Variants in ERC2 observed in about 807,000 individuals in gnomAD.
ERC2 encodes the protein ELKS/RAB6-interacting/CAST family member 2.
Under a neutral mutation model 114.8 loss-of-function variants are expected in ERC2, and 42 were observed. That is an observed-to-expected ratio of 0.37 (90% CI 0.29 to 0.47). ERC2 has a LOEUF of 0.47. ERC2 is among the 20% of genes least tolerant of loss of function. ERC2 has a pLI of 0.99. For missense variants in ERC2, 939 were observed against 1,150.7 expected, an observed-to-expected ratio of 0.82 and a Z score of 2.66; for synonymous variants, 454 against 425.5, an observed-to-expected ratio of 1.07 and a Z score of -0.82.
chr3:55,765,511 A>T (rs560497630), intron 14 of ERC2, among the ~76,000 whole-genome samples: 10 of 152,328 alleles, frequency 6.6e-5, no homozygotes, highest in Admixed American at 2.0e-4. Flanking sequence ...ATGACGTAGC[A>T]TGTGCAACTA....
rs188869120 is a variant in ERC2 at position 56,370,458 on chromosome 3, A to T, written c.657+63893T>A. ...ACAGAACAGACTAAACACTGCCTGA[A>T]GGAAACAGTTACTTGGCTTTCTAAG... On this transcript the variant is annotated intron_variant, in intron 2 of 17. Coordinates refer to ENST00000288221, the MANE Select transcript of ERC2 (RefSeq NM_015576.3). Among the ~76,000 whole-genome samples, 4 of 152,292 alleles carry T rather than the reference A, an allele frequency of 2.6e-5. No individual in the cohort carries two copies. In the East Asian group the frequency reaches 7.7e-4, roughly 29 times the overall value.
chr3:56,218,190 G>A (rs1017484015), intron 3 of ERC2, among the ~76,000 whole-genome samples: 2 of 152,030 alleles, frequency 1.3e-5, no homozygotes, highest in African/African-American at 4.8e-5. Context: ...ACTACCATCA[G>A]AGTGAACAGG....
intron 2 of ERC2, among the ~76,000 whole-genome samples, chr3:56,326,481 G>A (rs779200572): frequency 5.3e-4 from 81 of 152,144 alleles, no homozygotes; most frequent in Non-Finnish European, 1.0e-3. Context: ...TAAAAAATAA[G>A]AGAAATGGTG....
chr3:55,697,485 G>A (rs2062993329), intron 16 of ERC2, among the ~76,000 whole-genome samples: 1 of 152,126 alleles, frequency 6.6e-6, no homozygotes, highest in Admixed American at 6.5e-5. Flanking sequence ...AGTGTCAGTG[G>A]ACAAACATAA....
chr3:55,602,900 GT>G (rs1239686313), intron 17 of ERC2, among the ~76,000 whole-genome samples: 1 of 152,206 alleles, frequency 6.6e-6, no homozygotes, highest in Non-Finnish European at 1.5e-5. Context: ...GTGTGAAAAT[GT>G]AGCTATTTGC....
At chr3:55,719,414 A>G (rs1353896580) in intron 15 of ERC2, among the ~76,000 whole-genome samples, 2 of 152,186 alleles carry the variant, frequency 1.3e-5, no homozygotes, top group Non-Finnish European at 2.9e-5. Flanking sequence ...AGAAGCAGAA[A>G]ACCTAGTGAT....
chr3:56,010,526 T>A lies in ERC2; in HGVS notation c.1843A>T (p.Ile615Leu), dbSNP rs932492491. ...TTGTTCTCTTTTCGGAAGGATTCTA[T>A]CTCTTCTAGTCTTTCCCGATCATCT... ...ERDDRERLEE[I>L]ESFRKENKDL... The change falls in exon 9 of 18, where the codon ATA (isoleucine) becomes TTA (leucine). Residue 615 changes from isoleucine to leucine, a missense_variant. Transcript: ENST00000288221. 1 of 1,613,692 alleles carries A rather than the reference T, an allele frequency of 6.2e-7. No individual in the cohort carries two copies. The highest frequency in any genetic ancestry group is 1.1e-5 in the South Asian group (1 of 91,066).
rs1051948993 is a variant in ERC2, at chr3:55,653,942, C to T, written c.*39+29852G>A. ...GCTAAGCCAGCTAAACCATGCCCAG[C>T]TGATTTTGAGCTATCTAGTTCTCCC... On this transcript the variant is annotated intron_variant, in intron 17 of 17. Transcript: ENST00000288221. Among the ~76,000 whole-genome samples, 3 of 152,196 alleles carry T rather than the reference C, an allele frequency of 2.0e-5. 1 individual carries two copies. The highest frequency in any genetic ancestry group is 2.0e-4 in the Admixed American group (3 of 15,284).
At chr3:55,720,476 G>A (rs2064476997) in intron 15 of ERC2, among the ~76,000 whole-genome samples, 1 of 151,204 alleles carries the variant, frequency 6.6e-6, no homozygotes, top group East Asian at 2.0e-4. Flanking sequence ...GTGGAAATGA[G>A]GTCTCACTAT....
At position 55,863,649 on chromosome 3, in the gene ERC2, T is replaced by C. The variant is rs543862814; in HGVS notation, c.2564+24740A>G. On this transcript the variant is annotated intron_variant, in intron 14 of 17. Transcript: ENST00000288221. Reference sequence around the variant, plus strand: ...AAGAACTTTGAAAACCTTCTCTGTCTGTAGCAGCACTGTCAAATAGAAATA... The same window carrying C: ...AAGAACTTTGAAAACCTTCTCTGTCCGTAGCAGCACTGTCAAATAGAAATA... 1.1e-4 allele frequency among the ~76,000 whole-genome samples: 16 copies of C among 152,262 alleles called. No individual in the cohort carries two copies. In the South Asian group the frequency reaches 1.5e-3, roughly 14 times the overall value.
intron 6 of ERC2, among the ~76,000 whole-genome samples, chr3:56,117,977 C>T (rs149904001): frequency 1.3e-5 from 2 of 152,296 alleles, no homozygotes; most frequent in East Asian, 3.9e-4. Flanking sequence ...GAAGCCACCC[C>T]AGGGAGAGGG....
At chr3:56,296,856 G>A (rs1173695938) in intron 2 of ERC2, among the ~76,000 whole-genome samples, 4 of 152,156 alleles carry the variant, frequency 2.6e-5, no homozygotes, top group Middle Eastern at 3.4e-3. Context: ...TATTTCCCAC[G>A]ATCAATATGT....
chr3:56,221,597 T>C (rs547720783), intron 3 of ERC2, among the ~76,000 whole-genome samples: 28 of 152,300 alleles, frequency 1.8e-4, no homozygotes, highest in African/African-American at 6.7e-4. Context: ...AAACATCCTG[T>C]CATTTCTGCA....
At chr3:56,219,915 T>C (rs191665716) in intron 3 of ERC2, among the ~76,000 whole-genome samples, 2 of 152,290 alleles carry the variant, frequency 1.3e-5, no homozygotes, top group Non-Finnish European at 2.9e-5. Context: ...ATTCATAAAA[T>C]ACAGATACCA....
chr3:55,923,484 T>C (rs1464496240), intron 13 of ERC2, among the ~76,000 whole-genome samples: 1 of 152,060 alleles, frequency 6.6e-6, no homozygotes, highest in African/African-American at 2.4e-5. Flanking sequence ...TTAAAGCCAC[T>C]GGTAAAATGG....
At position 55,531,397 on chromosome 3, in the gene ERC2, C is replaced by T. The variant is rs533573481; in HGVS notation, c.*40-20121G>A. 2.6e-5 allele frequency among the ~76,000 whole-genome samples: 4 copies of T among 152,254 alleles called. No individual in the cohort carries two copies. In the South Asian group the frequency reaches 8.3e-4, roughly 32 times the overall value. On this transcript the variant is annotated intron_variant, in intron 17 of 17. Coordinates refer to ENST00000288221, the MANE Select transcript of ERC2 (RefSeq NM_015576.3). ...GGGAGTAACTTCTAGGAAAAGGAAG[C>T]TGATCCTTCCCCATGACAAGCCACC...
At position 55,806,738 on chromosome 3, in the gene ERC2, C is replaced by CG. The variant is rs60323757; in HGVS notation, c.2565-71821_2565-71820insC. ...GCCAATAGTGGCAAGGCTGAGAAAGCTTGACTCGAAAATCATAAGCTTTGA... is the reference window on the plus strand; with the variant it reads ...GCCAATAGTGGCAAGGCTGAGAAAGCGTTGACTCGAAAATCATAAGCTTTGA... On this transcript the variant is annotated intron_variant, in intron 14 of 17. Transcript: ENST00000288221. 6.3e-3 allele frequency among the ~76,000 whole-genome samples: 967 copies of CG among 152,294 alleles called. 7 individuals carry two copies. The highest frequency in any genetic ancestry group is 0.022 in the African/African-American group (932 of 41,562).
intron 17 of ERC2, among the ~76,000 whole-genome samples, chr3:55,604,758 T>C (rs1203984754): frequency 6.6e-6 from 1 of 152,212 alleles, no homozygotes; most frequent in Admixed American, 6.5e-5. Context: ...GCCTGATGAA[T>C]TTATGCCTTA....
At chr3:56,221,836 G>A (rs144491235) in intron 3 of ERC2, among the ~76,000 whole-genome samples, 204 of 152,170 alleles carry the variant, frequency 1.3e-3, no homozygotes, top group Middle Eastern at 6.8e-3. Flanking sequence ...CCCAGGAGGC[G>A]GAGTGAGCAG....
Sources: allele counts gnomAD v4.1 joint callset (sites outside exome capture counted in the v4.1 genomes callset), GRCh38; gene constraint gnomAD v4.1.1; transcripts MANE v1.5; gene names NCBI Gene and HGNC (gene_info 2026-07-23, HGNC 2026-07-21).